Variants in CCAR1 observed in about 807,000 individuals in gnomAD.
CCAR1 encodes cell division cycle and apoptosis regulator 1.
CCAR1 carries 78 observed loss-of-function variants against 163.8 expected under a neutral mutation model. The ratio of observed to expected loss-of-function variants is 0.48; its 90% CI spans 0.40 to 0.57. CCAR1 has a LOEUF of 0.57. Ranked by LOEUF, CCAR1 falls within the 20% of genes least tolerant of loss-of-function variation. The probability of loss-of-function intolerance (pLI) is 0.00; values close to 1 mark genes in which losing one functional copy is unlikely to be tolerated. For synonymous variants in CCAR1, 443 were observed against 460.7 expected, an observed-to-expected ratio of 0.96 and a Z score of 0.49; for missense variants, 1,019 against 1,365.2, an observed-to-expected ratio of 0.75 and a Z score of 4.00.
At chr10:68,734,947 A>AT (rs760568750) in intron 2 of CCAR1, among the ~76,000 whole-genome samples, 1 of 152,198 alleles carries the variant, frequency 6.6e-6, no homozygotes, top group East Asian at 1.9e-4. Flanking sequence ...AAAGTCTATC[A>AT]TTTTGAGCCC....
chr10:68,747,535 A>G lies in CCAR1; in HGVS notation c.795A>G (p.Pro265=). 1.2e-6 allele frequency: 2 copies of G among 1,613,998 alleles called. No homozygotes were observed. The highest frequency in any genetic ancestry group is 1.7e-5 in the Admixed American group (1 of 59,990). Residue 265 remains proline (P), a synonymous_variant, in exon 8 of 25, where the codon CCA becomes CCG. Coordinates refer to ENST00000265872, the MANE Select transcript of CCAR1 (RefSeq NM_018237.4). ...TTACACCACTATTGCAGACTCAACC[A>G]CAGCCCTTATTACAGCAGCCTCAGC... ...ASITPLLQTQ[P]QPLLQQPQQK...
intron 6 of CCAR1, 73 bp downstream of exon 6, chr10:68,742,642 T>C: frequency 8.4e-7 from 1 of 1,195,874 alleles, no homozygotes. Context: ...GTGGCAGAAA[T>C]TGTATGTAGC....
intron 10 of CCAR1, among the ~76,000 whole-genome samples, chr10:68,750,728 G>A (rs1010365668): frequency 1.3e-5 from 2 of 152,096 alleles, no homozygotes; most frequent in African/African-American, 4.8e-5. Context: ...AGTAAAATAA[G>A]AAAATCATTA....
chr10:68,726,433 G>A (rs551736104), intron 2 of CCAR1, among the ~76,000 whole-genome samples: 1 of 152,192 alleles, frequency 6.6e-6, no homozygotes, highest in African/African-American at 2.4e-5. Flanking sequence ...TTACAGGCGT[G>A]AGCCACTGCG....
rs2056273683 is a variant in CCAR1 at position 68,747,563 on chromosome 10, A to G, written c.823A>G (p.Lys275Glu). The G allele has an allele frequency of 6.2e-7, 1 of 1,610,878 alleles. No individual in the cohort carries two copies. Among genetic ancestry groups the G allele is most frequent in the Non-Finnish European group, 8.5e-7 (1 of 1,177,992 alleles). ...PQPLLQQPQQ[K>E]AGLLQPPVRI... ...GCCCTTATTACAGCAGCCTCAGCAAAAAGGTATCTTTGCTTTTGTTTCAGG... is the reference window on the plus strand; with the variant it reads ...GCCCTTATTACAGCAGCCTCAGCAAGAAGGTATCTTTGCTTTTGTTTCAGG... The change falls in exon 8 of 25, where the codon AAA (lysine) becomes GAA (glutamate). Residue 275 changes from lysine (K) to glutamate (E), a missense_variant. Lys to Glu is a moderately conservative substitution (Grantham distance 56, BLOSUM62 1). Around this residue, in one of 4 missense-constraint regions of CCAR1, gnomAD observed 644 missense variants for 904.4 expected, o/e 0.71. Coordinates refer to ENST00000265872, the MANE Select transcript of CCAR1 (RefSeq NM_018237.4).
rs3205757 is a variant in CCAR1, at chr10:68,771,316, T to C, written c.2409T>C (p.Asp803=). 1 of 1,601,692 alleles carries C rather than the reference T, an allele frequency of 6.2e-7. No individual in the cohort carries two copies. Among genetic ancestry groups the C allele is most frequent in the Non-Finnish European group, 8.5e-7 (1 of 1,174,430 alleles). ...AGAAAGAGGACAAAAAAGAAAAGGA[T>C]AAAAAAAGCAAAAAAGATGAGAGAA... The part of the protein sequence containing the change: ...LPEKEDKKEK[D]KKSKKDERKD... The change falls in exon 18 of 25, where the codon GAT becomes GAC. Residue 803 remains aspartate, a synonymous_variant. Transcript: ENST00000265872.
intron 6 of CCAR1, among the ~76,000 whole-genome samples, chr10:68,744,646 T>G (rs904910139): frequency 3.3e-5 from 5 of 152,184 alleles, no homozygotes; most frequent in African/African-American, 1.2e-4. Context: ...TTTTTTATCT[T>G]TTTTGCATTC....
At chr10:68,774,560 G>A (rs2056640595) in intron 19 of CCAR1, among the ~76,000 whole-genome samples, 2 of 151,852 alleles carry the variant, frequency 1.3e-5, no homozygotes, top group South Asian at 4.2e-4. Context: ...GAACTCGGGA[G>A]GCAGAGGTTG....
intron 2 of CCAR1, among the ~76,000 whole-genome samples, chr10:68,726,680 C>T (rs1288207008): frequency 6.6e-6 from 1 of 152,042 alleles, no homozygotes; most frequent in South Asian, 2.1e-4. Context: ...ATCTGATATT[C>T]CTAAAACATA....
intron 15 of CCAR1, chr10:68,760,777 T>C (rs955194914): frequency 1.1e-4 from 31 of 271,282 alleles, no homozygotes; most frequent in East Asian, 6.9e-5. Context: ...GACAGGAGAA[T>C]TGCTTGAACC....
rs1174236299 is a variant in CCAR1, at chr10:68,747,519, T to C, written c.779T>C (p.Leu260Pro). The C allele has an allele frequency of 6.2e-7, 1 of 1,614,042 alleles. No individual in the cohort carries two copies. The highest frequency in any genetic ancestry group is 1.3e-5 in the African/African-American group (1 of 74,920). ...AQISAASITP[L>P]LQTQPQPLLQ... is the part of the protein sequence containing the mutation. ...ATTTCAGCAGCTTCTATTACACCAC[T>C]ATTGCAGACTCAACCACAGCCCTTA... Residue 260 changes from leucine (L) to proline (P), a missense_variant, in exon 8 of 25, where the codon CTA becomes CCA. Physicochemically the swap from Leu to Pro is moderately conservative, Grantham distance 98. This residue lies in a region of CCAR1 where 644 missense variants were observed against 904.4 expected (regional missense o/e 0.71). Transcript: ENST00000265872.
intron 19 of CCAR1, chr10:68,775,160 CAT>C (rs965758330): frequency 1.5e-5 from 3 of 200,176 alleles, no homozygotes; most frequent in African/African-American, 7.2e-5. Context: ...CCCAGTTTAA[CAT>C]ATGAATTCTT....
intron 17 of CCAR1, among the ~76,000 whole-genome samples, chr10:68,767,034 G>A: frequency 6.6e-6 from 1 of 152,102 alleles, no homozygotes; most frequent in Admixed American, 6.6e-5. Context: ...ATCAAGTCCA[G>A]TTCTGTTTTT....
intron 19 of CCAR1, among the ~76,000 whole-genome samples, chr10:68,778,365 T>C (rs2056694037): frequency 1.3e-5 from 2 of 152,222 alleles, no homozygotes; most frequent in Admixed American, 6.5e-5. Flanking sequence ...TTGGCAGTTC[T>C]TTCTGCTAGC....
At chr10:68,732,548 C>T (rs560743756) in intron 2 of CCAR1, among the ~76,000 whole-genome samples, 1 of 147,530 alleles carries the variant, frequency 6.8e-6, no homozygotes, top group Admixed American at 6.6e-5. Context: ...GGGGTTTCAC[C>T]GTGTTGGCCA....
At chr10:68,764,665 A>G (rs978680406) in intron 16 of CCAR1, among the ~76,000 whole-genome samples, 1 of 152,120 alleles carries the variant, frequency 6.6e-6, no homozygotes, top group African/African-American at 2.4e-5. Context: ...TCCCACGGCC[A>G]CTTCTATTAG....
In CCAR1 at chr10:68,749,233, G is replaced by C; in HGVS notation, c.924G>C (p.Gly308=). ...PSRFSGRNDR[G]DQVPNRKDDR... is the part of the protein sequence containing the mutation. ...GATTTTCAGGAAGAAATGACAGAGG[G>C]GATCAAGTGCCTAACAGAAAAGATG... Residue 308 remains glycine (G), a synonymous_variant, in exon 9 of 25, where the codon GGG becomes GGC. Transcript: ENST00000265872. The C allele has an allele frequency of 6.2e-7, 1 of 1,611,870 alleles. No individual in the cohort carries two copies. The highest frequency in any genetic ancestry group is 2.2e-5 in the East Asian group (1 of 44,850).
chr10:68,754,653 C>T, intron 11 of CCAR1, 61 bp from the exon 12 acceptor site: 1 of 793,322 alleles, frequency 1.3e-6, no homozygotes. Context: ...ATTAGTAGTG[C>T]TTCTCATTTT....
At chr10:68,773,430 A>G (rs761136003) in intron 19 of CCAR1, among the ~76,000 whole-genome samples, 3 of 152,184 alleles carry the variant, frequency 2.0e-5, no homozygotes, top group Non-Finnish European at 2.9e-5. Context: ...TGGGAGGCCA[A>G]GGCAGGTGAT....
Sources: gnomAD v4.1 joint callset for allele counts (sites outside exome capture counted in the v4.1 genomes callset) on GRCh38, gnomAD v4.1.1 for gene constraint, gnomAD v4.1.1 regional missense constraint, MANE v1.5 for transcripts, NCBI Gene and HGNC (gene_info 2026-07-23, HGNC 2026-07-21) for gene names.